The following PIWIL3 variants were observed in gnomAD, a reference collection of about 807,000 sequenced individuals.
PIWIL3 encodes piwi-like protein 3.
PIWIL3 carries 101 observed loss-of-function variants against 109.7 expected under a neutral mutation model. The observed-to-expected ratio is 0.92, with a 90% confidence interval of 0.78 to 1.09. The LOEUF is 1.09. Among genes scored for constraint, PIWIL3 ranks in the 50% least tolerant of loss-of-function variants. The probability of loss-of-function intolerance (pLI) is 0.00; values close to 1 mark genes in which losing one functional copy is unlikely to be tolerated. For synonymous variants in PIWIL3, 373 were observed against 376.4 expected (o/e 0.99, Z 0.10); for missense variants, 1,031 against 1,072.6 (o/e 0.96, Z 0.54).
chr22:24,725,165 G>A (rs1232236143), intron 17 of PIWIL3, 128 bp from the exon 18 acceptor site: 9 of 1,151,034 alleles, frequency 7.8e-6, no homozygotes, highest in Admixed American at 2.4e-5. Flanking sequence ...CTTAAGTCCT[G>A]TCTATTCTGG....
chr22:24,744,592 A>G (rs543487896), intron 12 of PIWIL3, among the ~76,000 whole-genome samples: 1 of 152,250 alleles, frequency 6.6e-6, no homozygotes, highest in Non-Finnish European at 1.5e-5. Flanking sequence ...AACAAAAAAA[A>G]CAGGAATAGC....
chr22:24,763,386 C>T (rs573192190), intron 1 of PIWIL3, among the ~76,000 whole-genome samples: 1 of 150,856 alleles, frequency 6.6e-6, no homozygotes, highest in Non-Finnish European at 1.5e-5. Context: ...CTGCAACCTC[C>T]GCCTCCCGGG....
At chr22:24,761,854 C>G (rs753201493) in intron 2 of PIWIL3, 182 of 704,018 alleles carry the variant, frequency 2.6e-4, no homozygotes, top group Non-Finnish European at 2.9e-4. Context: ...AGAGGAGCAA[C>G]AGTCAAACAG....
intron 7 of PIWIL3, 27 bp downstream of exon 7, chr22:24,754,757 G>A (rs1488076608): frequency 3.9e-6 from 6 of 1,523,544 alleles, no homozygotes; most frequent in Admixed American, 1.7e-5. Flanking sequence ...AGTCTGCAGA[G>A]TGTGAAATTT....
chr22:24,773,624 G>A (rs1284106556), intron 1 of PIWIL3, among the ~76,000 whole-genome samples: 1 of 151,852 alleles, frequency 6.6e-6, no homozygotes, highest in Non-Finnish European at 1.5e-5. Context: ...ATGTAAGTAG[G>A]TACACATATA....
chr22:24,737,333 C>T (rs1037857200), intron 12 of PIWIL3, among the ~76,000 whole-genome samples: 17 of 152,080 alleles, frequency 1.1e-4, no homozygotes, highest in African/African-American at 3.9e-4. Flanking sequence ...CTAGACATAC[C>T]CTGGGCCAGA....
At chr22:24,768,111 T>G (rs1010663102) in intron 1 of PIWIL3, among the ~76,000 whole-genome samples, 11 of 152,232 alleles carry the variant, frequency 7.2e-5, no homozygotes, top group African/African-American at 2.7e-4. Flanking sequence ...GGCTGATGGC[T>G]TCATCAGTGC....
intron 14 of PIWIL3, among the ~76,000 whole-genome samples, chr22:24,731,282 C>T (rs987949516): frequency 6.6e-6 from 1 of 152,164 alleles, no homozygotes; most frequent in Non-Finnish European, 1.5e-5. Context: ...AGCACCTAGA[C>T]CCATTTAGAT....
At chr22:24,731,251 C>T (rs1923328640) in intron 14 of PIWIL3, among the ~76,000 whole-genome samples, 1 of 152,180 alleles carries the variant, frequency 6.6e-6, no homozygotes, top group Non-Finnish European at 1.5e-5. Context: ...TAGCAGCAGA[C>T]AAGCTAAGGG....
rs117329800 is a variant in PIWIL3, at chr22:24,755,774, G to C, written c.692+10C>G. 1.9e-6 allele frequency: 3 copies of C among 1,613,518 alleles called. No homozygotes were observed. The highest frequency in any genetic ancestry group is 1.3e-5 in the African/African-American group (1 of 74,862). ...ATGAGTATCAAAGAAACTCAACCCC[G>C]GTAACATACCTTCTAAAGAGAATGT... On this transcript the variant is annotated intron_variant, in intron 6 of 20. Transcript: ENST00000616349.
At position 24,756,480 on chromosome 22, in the gene PIWIL3, C is replaced by T. The variant is rs199922460; in HGVS notation, c.570+11G>A. 8.2e-5 allele frequency: 132 copies of T among 1,605,278 alleles called. No individual in the cohort carries two copies. Among genetic ancestry groups the T allele is most frequent in the Non-Finnish European group, 2.5e-5 (29 of 1,173,492 alleles). The stretch of plus-strand genomic sequence containing the variant: ...AAGAACACAGGAAAATGTGAAACAA[C>T]ATTACTTAACCCGCTCTTTTAGTGG... On this transcript the variant is annotated intron_variant, in intron 5 of 20. Coordinates refer to ENST00000616349, the MANE Select transcript of PIWIL3 (RefSeq NM_001255975.1).
chr22:24,755,369 C>T (rs1924959507), intron 6 of PIWIL3, among the ~76,000 whole-genome samples: 2 of 152,198 alleles, frequency 1.3e-5, no homozygotes, highest in South Asian at 2.1e-4. Flanking sequence ...ATGATCCACC[C>T]GCCTCAGCCT....
chr22:24,720,396 C>T (rs1213117743), intron 19 of PIWIL3, among the ~76,000 whole-genome samples: 4 of 151,250 alleles, frequency 2.6e-5, no homozygotes, highest in African/African-American at 7.3e-5. Flanking sequence ...CTCAGCCTCC[C>T]GAGTAGCTGG....
chr22:24,771,896 A>G (rs1926156636), intron 1 of PIWIL3, among the ~76,000 whole-genome samples: 1 of 152,068 alleles, frequency 6.6e-6, no homozygotes, highest in South Asian at 2.1e-4. Context: ...GGGTTTCACC[A>G]TGTTGGCCAG....
Position 24,749,797 on chromosome 22 carries a change from A to G in PIWIL3, c.1112T>C (p.Val371Ala), listed in dbSNP as rs753375011. 3.1e-6 allele frequency: 5 copies of G among 1,613,752 alleles called. No homozygotes were observed. The highest frequency in any genetic ancestry group is 1.7e-5 in the Admixed American group (1 of 59,968). The change falls in exon 10 of 21, where the codon GTG (valine) becomes GCG (alanine). Residue 371 changes from valine (V) to alanine (A), a missense_variant. By Grantham distance (64) the Val-to-Ala change is moderately conservative. Transcript: ENST00000616349. ...GCTGACCAAAAGTGGCTGTTTCTTCACTGTGACAATTTCTTTATGTTGCTG... is the reference window on the plus strand; with the variant it reads ...GCTGACCAAAAGTGGCTGTTTCTTCGCTGTGACAATTTCTTTATGTTGCTG... Reference protein sequence around the residue: ...YRQQHKEIVTVKKQPLLVSQG... With the variant: ...YRQQHKEIVTAKKQPLLVSQG...
At chr22:24,763,190 G>A (rs9608331) in intron 1 of PIWIL3, among the ~76,000 whole-genome samples, 20,396 of 150,806 alleles carry the variant, frequency 0.14, 1,781 homozygotes, top group Non-Finnish European at 0.19. Flanking sequence ...TGTCACCCAG[G>A]CTGGAGTGCA....
In PIWIL3 at chr22:24,748,966, A is replaced by C. The variant is rs1290065289; in HGVS notation, c.1390T>G (p.Phe464Val). The C allele has an allele frequency of 6.2e-7, 1 of 1,613,698 alleles. No individual in the cohort carries two copies. Among genetic ancestry groups the C allele is most frequent in the African/African-American group, 1.3e-5 (1 of 74,916 alleles). The change falls in exon 12 of 21, where the codon TTT (phenylalanine) becomes GTT (valine). Residue 464 changes from phenylalanine (F) to valine (V), a missense_variant. Phe to Val is a conservative substitution (Grantham distance 50). Coordinates refer to ENST00000616349, the MANE Select transcript of PIWIL3 (RefSeq NM_001255975.1). ...AAAACTCTTCCCGGGACGGACAAAA[A>C]ATTGGTATCAAATTTCAAATCCCAG... ...QLWDLKFDTN[F>V]LSVPGRVLKN...
chr22:24,755,861 C>T lies in PIWIL3; in HGVS notation c.615G>A (p.Lys205=), dbSNP rs770309593. 1.2e-6 allele frequency: 2 copies of T among 1,613,752 alleles called. No homozygotes were observed. The highest frequency in any genetic ancestry group is 2.7e-5 in the African/African-American group (2 of 74,858). The change falls in exon 6 of 21, where the codon AAG becomes AAA. Residue 205 remains lysine (K), a synonymous_variant. Coordinates refer to ENST00000616349, the MANE Select transcript of PIWIL3 (RefSeq NM_001255975.1). ...LSTTKDKNIV[K]ITVEFSKELT... is the part of the protein sequence containing the mutation. The stretch of plus-strand genomic sequence containing the variant: ...GTTCTTTGGAAAACTCAACTGTAAT[C>T]TTCACGATGTTTTTGTCTTTGGTTG...
chr22:24,757,914 T>A lies in PIWIL3; in HGVS notation c.349A>T (p.Lys117Ter). Reference protein sequence around the residue: ...RQDMKHVKDSKTGSEGTVVQL... With the variant: ...RQDMKHVKDS ...GAGTTCTAGACCAACATACCTGTTT[T>A]TGAGTCTTTAACATGCTTCATATCT... is the stretch of plus-strand genomic sequence containing the variant. Residue 117 changes from lysine to a stop codon, truncating the protein, a stop_gained, in exon 4 of 21, where the codon AAA becomes TAA. Transcript: ENST00000616349. LOFTEE classifies it high-confidence loss of function. 1.9e-6 allele frequency: 3 copies of A among 1,605,012 alleles called. No individual in the cohort carries two copies. Among genetic ancestry groups the A allele is most frequent in the Non-Finnish European group, 1.7e-6 (2 of 1,177,782 alleles).
Sources: allele counts gnomAD v4.1 joint callset (sites outside exome capture counted in the v4.1 genomes callset), GRCh38; gene constraint gnomAD v4.1.1; transcripts MANE v1.5; gene names NCBI Gene and HGNC (gene_info 2026-07-23, HGNC 2026-07-21).